GRIA4: variants seen among roughly 807,000 people sequenced by gnomAD.
The protein encoded by GRIA4 is glutamate ionotropic receptor AMPA type subunit 4, also known as glutamate receptor 4.
In GRIA4, 34 loss-of-function variants were observed where a neutral mutation model predicts 104.0. That is an observed-to-expected ratio of 0.33 (90% confidence interval 0.25 to 0.44). The LOEUF is 0.44. GRIA4 is among the 20% of genes least tolerant of loss of function. GRIA4 has a pLI of 1.00. For missense variants in GRIA4, 750 were observed against 1,096.5 expected (o/e 0.68, Z 4.46); for synonymous variants, 386 against 381.9 (o/e 1.01, Z -0.13).
intron 13 of GRIA4, among the ~76,000 whole-genome samples, chr11:105,931,968 G>C (rs1450010020): frequency 6.6e-6 from 1 of 151,876 alleles, no homozygotes; most frequent in Non-Finnish European, 1.5e-5. Context: ...GGTAAACAAA[G>C]GAAGCTCAAT....
intron 15 of GRIA4, among the ~76,000 whole-genome samples, chr11:105,974,079 T>C (rs1162638199): frequency 3.3e-5 from 5 of 152,192 alleles, no homozygotes; most frequent in Admixed American, 1.3e-4. Context: ...GTTACTGATT[T>C]CATTGAATGT....
At chr11:105,845,385 G>A (rs1346838456) in intron 4 of GRIA4, among the ~76,000 whole-genome samples, 2 of 152,110 alleles carry the variant, frequency 1.3e-5, no homozygotes, top group African/African-American at 2.4e-5. Context: ...AAGTCACATA[G>A]CATCACTTCC....
intron 3 of GRIA4, among the ~76,000 whole-genome samples, chr11:105,632,349 C>T (rs1951055334): frequency 6.6e-6 from 1 of 152,170 alleles, no homozygotes. Context: ...GTTTACACTT[C>T]CACTTTCCCA....
chr11:105,746,630 C>A (rs903889680), intron 3 of GRIA4, among the ~76,000 whole-genome samples: 1 of 152,030 alleles, frequency 6.6e-6, no homozygotes, highest in African/African-American at 2.4e-5. Context: ...CAAACAAAGG[C>A]AGCAAAGACC....
At chr11:105,917,380 C>T (rs1306714621) in intron 10 of GRIA4, among the ~76,000 whole-genome samples, 1 of 152,126 alleles carries the variant, frequency 6.6e-6, no homozygotes, top group East Asian at 1.9e-4. Flanking sequence ...CTATAATTCA[C>T]ATGTTTTATT....
intron 4 of GRIA4, among the ~76,000 whole-genome samples, chr11:105,815,699 C>A (rs560731170): frequency 6.6e-6 from 1 of 152,054 alleles, no homozygotes; most frequent in South Asian, 2.1e-4. Flanking sequence ...TGGATGAGTC[C>A]TAAGAGGATT....
intron 4 of GRIA4, among the ~76,000 whole-genome samples, chr11:105,769,446 T>A (rs984917086): frequency 1.3e-5 from 2 of 151,978 alleles, no homozygotes; most frequent in African/African-American, 4.8e-5. Context: ...TATGATATAT[T>A]ATGCAAATGG....
chr11:105,682,605 TA>T (rs1006856902), intron 3 of GRIA4, among the ~76,000 whole-genome samples: 1 of 152,230 alleles, frequency 6.6e-6, no homozygotes, highest in African/African-American at 2.4e-5. Context: ...GCCCTGCTCC[TA>T]CTTACAATTC....
At chr11:105,682,061 T>C (rs1028030803) in intron 3 of GRIA4, among the ~76,000 whole-genome samples, 1 of 151,952 alleles carries the variant, frequency 6.6e-6, no homozygotes, top group Non-Finnish European at 1.5e-5. Context: ...ATAATAATAA[T>C]AACAATTTCA....
At chr11:105,961,083 G>T (rs1438726672) in intron 14 of GRIA4, among the ~76,000 whole-genome samples, 1 of 152,134 alleles carries the variant, frequency 6.6e-6, no homozygotes, top group Non-Finnish European at 1.5e-5. Flanking sequence ...CCGATCTCCA[G>T]TTTTTAATTC....
At chr11:105,638,535 G>A (rs939889744) in intron 3 of GRIA4, among the ~76,000 whole-genome samples, 6 of 91,612 alleles carry the variant, frequency 6.5e-5, no homozygotes, top group African/African-American at 2.2e-4. Flanking sequence ...CGAGGTGCGC[G>A]TGTATGTGTG....
chr11:105,750,168 A>G (rs903909978), intron 3 of GRIA4, among the ~76,000 whole-genome samples: 2 of 152,126 alleles, frequency 1.3e-5, no homozygotes, highest in African/African-American at 2.4e-5. Context: ...TTATAATACT[A>G]TATATGGAAA....
intron 7 of GRIA4, among the ~76,000 whole-genome samples, chr11:105,903,329 C>T (rs1946925998): frequency 6.6e-6 from 1 of 152,164 alleles, no homozygotes; most frequent in South Asian, 2.1e-4. Context: ...GGAGACTGAA[C>T]AAAGATAGAT....
chr11:105,901,005 T>G (rs1946835279), intron 7 of GRIA4, among the ~76,000 whole-genome samples: 3 of 152,122 alleles, frequency 2.0e-5, no homozygotes, highest in Non-Finnish European at 4.4e-5. Flanking sequence ...CCTTGTAATC[T>G]CCATAGTATT....
chr11:105,903,020 A>C (rs1946914163), intron 7 of GRIA4, among the ~76,000 whole-genome samples: 1 of 152,054 alleles, frequency 6.6e-6, no homozygotes, highest in East Asian at 1.9e-4. Flanking sequence ...ATCTTTCCTC[A>C]CTTTTTCCCC....
intron 4 of GRIA4, among the ~76,000 whole-genome samples, chr11:105,769,614 G>A (rs1941119667): frequency 6.6e-6 from 1 of 151,956 alleles, no homozygotes; most frequent in Non-Finnish European, 1.5e-5. Flanking sequence ...TAGATGGGGG[G>A]CAGGGGGTAC....
chr11:105,745,719 T>C (rs1040011470), intron 3 of GRIA4, among the ~76,000 whole-genome samples: 1 of 152,190 alleles, frequency 6.6e-6, no homozygotes, highest in Admixed American at 6.5e-5. Context: ...GTTAGTAAAA[T>C]ATCACTAATA....
At chr11:105,668,324 A>G (rs1245872980) in intron 3 of GRIA4, among the ~76,000 whole-genome samples, 1 of 148,078 alleles carries the variant, frequency 6.8e-6, no homozygotes, top group East Asian at 1.9e-4. Context: ...ATAGAATATT[A>G]TTCACTATAT....
chr11:105,850,652 C>T (rs529729231), intron 4 of GRIA4, among the ~76,000 whole-genome samples: 2 of 152,222 alleles, frequency 1.3e-5, no homozygotes, highest in South Asian at 4.2e-4. Flanking sequence ...AAACTGTGTT[C>T]ATTATTGTAA....
Sources: allele counts gnomAD v4.1 joint callset (sites outside exome capture counted in the v4.1 genomes callset), GRCh38; gene constraint gnomAD v4.1.1; transcripts MANE v1.5; gene names NCBI Gene and HGNC (gene_info 2026-07-23, HGNC 2026-07-21).